PAPPA2: variants seen among roughly 807,000 people sequenced by gnomAD.
The protein encoded by PAPPA2 is pappalysin-2.
Under a neutral mutation model 176.4 loss-of-function variants are expected in PAPPA2, and 86 were observed. That is an observed-to-expected ratio of 0.49 (90% CI 0.41 to 0.58). PAPPA2 has a LOEUF of 0.58. PAPPA2 is among the 20% of genes least tolerant of loss of function. The probability of loss-of-function intolerance (pLI) is 0.00; values close to 1 mark genes in which losing one functional copy is unlikely to be tolerated. For missense variants in PAPPA2, 2,073 were observed against 2,256.9 expected (o/e 0.92, Z 1.65); for synonymous variants, 809 against 852.2 (o/e 0.95, Z 0.88).
intron 21 of PAPPA2, among the ~76,000 whole-genome samples, chr1:176,810,689 G>A (rs1162176720): frequency 6.6e-6 from 1 of 152,162 alleles, no homozygotes; most frequent in African/African-American, 2.4e-5. Context: ...AGTGGCAGCA[G>A]CCTCACCTGG....
intron 3 of PAPPA2, among the ~76,000 whole-genome samples, chr1:176,631,687 G>A (rs1656347429): frequency 6.6e-6 from 1 of 152,104 alleles, no homozygotes; most frequent in Admixed American, 6.6e-5. Context: ...TTAGTGATAA[G>A]GAGGAGTGAA....
chr1:176,651,757 A>G (rs1343761807), intron 3 of PAPPA2, among the ~76,000 whole-genome samples: 1 of 151,560 alleles, frequency 6.6e-6, no homozygotes, highest in Non-Finnish European at 1.5e-5. Flanking sequence ...CTTGTTTTTG[A>G]ACACCAATAG....
intron 1 of PAPPA2, among the ~76,000 whole-genome samples, chr1:176,528,322 C>T (rs1649606531): frequency 6.6e-6 from 1 of 152,188 alleles, no homozygotes; most frequent in Non-Finnish European, 1.5e-5. Context: ...TCCCCTTACA[C>T]ATGATAGAGA....
chr1:176,778,750 A>G (rs1664573314), intron 17 of PAPPA2, among the ~76,000 whole-genome samples: 1 of 152,214 alleles, frequency 6.6e-6, no homozygotes, highest in African/African-American at 2.4e-5. Flanking sequence ...ATCTCTATGT[A>G]CACTCATGTA....
At position 176,842,616 on chromosome 1, in the gene PAPPA2, G is replaced by A. The variant is rs1557907427; in HGVS notation, c.*162G>A. ...GAAATGCAAGAGGATATTGATAGGT[G>A]TGAACTAGTTCATCAAGTAGCCCAA... On this transcript the variant is annotated 3_prime_UTR_variant, in exon 23 of 23. Coordinates refer to ENST00000367662, the MANE Select transcript of PAPPA2 (RefSeq NM_020318.3). The A allele has an allele frequency of 5.9e-6, 4 of 676,280 alleles. No individual in the cohort carries two copies. Among genetic ancestry groups the A allele is most frequent in the Non-Finnish European group, 7.4e-6 (3 of 405,454 alleles). 41.9% of individuals were successfully genotyped at this position (676,280 alleles called of 1,614,324 possible). A position where few individuals can be genotyped will look rare whatever the true frequency, so the allele number is the denominator to read the frequency against.
intron 4 of PAPPA2, among the ~76,000 whole-genome samples, chr1:176,671,739 T>G (rs1016248020): frequency 2.0e-5 from 3 of 151,892 alleles, no homozygotes; most frequent in African/African-American, 7.3e-5. Flanking sequence ...CCATAAAAAA[T>G]GATGAGTTCA....
chr1:176,587,499 T>C (rs1026981365), intron 2 of PAPPA2, among the ~76,000 whole-genome samples: 6 of 152,230 alleles, frequency 3.9e-5, no homozygotes, highest in Admixed American at 6.5e-5. Context: ...GTTTCAGTTT[T>C]CTGACTATGG....
rs923222125 is a variant in PAPPA2, at chr1:176,792,711, TA to T, written c.5021-840del. Among the ~76,000 whole-genome samples the T allele has an allele frequency of 2.1e-3, 316 of 148,742 alleles. 1 individual carries two copies. The highest frequency in any genetic ancestry group is 6.3e-3 in the African/African-American group (253 of 40,456). ...ATGTACCCTAAAACTTAAAGTATAA[TA>T]AAAAAAAAGTTAAAAATAAATAAAT... On this transcript the variant is annotated intron_variant, in intron 19 of 22. Coordinates refer to ENST00000367662, the MANE Select transcript of PAPPA2 (RefSeq NM_020318.3).
chr1:176,614,850 AT>A (rs1198070023), intron 3 of PAPPA2, among the ~76,000 whole-genome samples: 2 of 152,182 alleles, frequency 1.3e-5, no homozygotes, highest in Non-Finnish European at 2.9e-5. Flanking sequence ...AGTAAAACAA[AT>A]TATCAAGTAT....
At chr1:176,786,787 T>C (rs1305535632) in intron 17 of PAPPA2, among the ~76,000 whole-genome samples, 1 of 152,214 alleles carries the variant, frequency 6.6e-6, no homozygotes, top group Non-Finnish European at 1.5e-5. Context: ...CTCAGTTTTC[T>C]TCTTAAGTGT....
chr1:176,467,454 C>T (rs1208803737), intron 1 of PAPPA2, among the ~76,000 whole-genome samples: 1 of 152,222 alleles, frequency 6.6e-6, no homozygotes, highest in African/African-American at 2.4e-5. Flanking sequence ...GGGAGGTCAG[C>T]TTCAGCTTCC....
chr1:176,759,320 AC>A (rs1663583570), intron 14 of PAPPA2, among the ~76,000 whole-genome samples: 1 of 152,180 alleles, frequency 6.6e-6, no homozygotes, highest in South Asian at 2.1e-4. Flanking sequence ...TTTTGGGCTA[AC>A]TTTTCTCATT....
chr1:176,506,990 A>T (rs529979022), intron 1 of PAPPA2, among the ~76,000 whole-genome samples: 2 of 152,292 alleles, frequency 1.3e-5, no homozygotes, highest in Non-Finnish European at 2.9e-5. Context: ...CTATCAATAG[A>T]ATAAACAGAC....
At chr1:176,684,277 T>C (rs1272592875) in intron 4 of PAPPA2, among the ~76,000 whole-genome samples, 1 of 152,178 alleles carries the variant, frequency 6.6e-6, no homozygotes, top group African/African-American at 2.4e-5. Flanking sequence ...CCAAATTTTT[T>C]CCATCCTTTT....
In PAPPA2 at chr1:176,489,220, C is replaced by G. The variant is rs886433414; in HGVS notation, c.-917+25802C>G. On this transcript the variant is annotated intron_variant, in intron 1 of 22. Coordinates refer to ENST00000367662, the MANE Select transcript of PAPPA2 (RefSeq NM_020318.3). ...ATTTTCTATCATGCCCTGTTCTGTT[C>G]TCTAATACATAATTTAAAAATTGCA... Among the ~76,000 whole-genome samples, 3 of 152,118 alleles carry G rather than the reference C, an allele frequency of 2.0e-5. No homozygotes were observed. In the South Asian group the frequency reaches 6.2e-4, roughly 32 times the overall value.
intron 21 of PAPPA2, among the ~76,000 whole-genome samples, chr1:176,822,523 A>G (rs1666705723): frequency 6.6e-6 from 1 of 152,212 alleles, no homozygotes; most frequent in South Asian, 2.1e-4. Context: ...GGCAAGAGCT[A>G]TACTCACAAG....
chr1:176,714,606 G>T (rs1176440731), intron 12 of PAPPA2, among the ~76,000 whole-genome samples: 2 of 152,128 alleles, frequency 1.3e-5, no homozygotes, highest in African/African-American at 2.4e-5. Flanking sequence ...ACCTACCTCT[G>T]TAAACCTTTG....
At chr1:176,695,960 A>ATGTGTG (rs1374236007) in intron 7 of PAPPA2, 101 bp downstream of exon 7, 2 of 1,184,476 alleles carry the variant, frequency 1.7e-6, no homozygotes, top group African/African-American at 3.5e-5. Context: ...AAGGCAATGT[A>ATGTGTG]TGTGTATGTG....
In PAPPA2 at chr1:176,581,866, A is replaced by T. The variant is rs969978023; in HGVS notation, c.920-12658A>T. Among the ~76,000 whole-genome samples, 477 of 121,042 alleles carry T rather than the reference A, an allele frequency of 3.9e-3. 3 individuals carry two copies. The highest frequency in any genetic ancestry group is 0.013 in the African/African-American group (439 of 33,008). The allele number at this position is 121,042 out of a possible 152,430, so 79.4% of individuals were successfully genotyped here. A position where few individuals can be genotyped will look rare whatever the true frequency, so the allele number is the denominator to read the frequency against. On this transcript the variant is annotated intron_variant, in intron 2 of 22. Transcript: ENST00000367662. ...AGAGTTTTTTTTTAAATTTTTGTTT[A>T]TTTTTTGGGGGGGTGGAGTCTTTAG...
Sources: gnomAD v4.1 joint callset for allele counts (sites outside exome capture counted in the v4.1 genomes callset) on GRCh38, gnomAD v4.1.1 for gene constraint, MANE v1.5 for transcripts, NCBI Gene and HGNC (gene_info 2026-07-23, HGNC 2026-07-21) for gene names.